The following NFATC3 variants were observed in gnomAD, a reference collection of about 807,000 sequenced individuals.
The protein encoded by NFATC3 is nuclear factor of activated T-cells, cytoplasmic 3.
Under a neutral mutation model 98.6 loss-of-function variants are expected in NFATC3, and 46 were observed. That is an observed-to-expected ratio of 0.47 (90% CI 0.37 to 0.60). The LOEUF (loss-of-function observed/expected upper bound fraction) is 0.60. Ranked by LOEUF, NFATC3 falls within the 20% of genes least tolerant of loss-of-function variation. NFATC3 has a pLI of 0.00. For missense variants in NFATC3, 1,256 were observed against 1,295.5 expected, an observed-to-expected ratio of 0.97 and a Z score of 0.47; for synonymous variants, 512 against 472.2, an observed-to-expected ratio of 1.08 and a Z score of -1.09.
chr16:68,121,774 T>G (rs1448496766), intron 1 of NFATC3, among the ~76,000 whole-genome samples: 1 of 152,154 alleles, frequency 6.6e-6, no homozygotes, highest in Admixed American at 6.6e-5. Context: ...TAATTGTATA[T>G]GTAATAATCA....
chr16:68,195,635 C>T (rs746565604), intron 9 of NFATC3, among the ~76,000 whole-genome samples: 7 of 151,848 alleles, frequency 4.6e-5, no homozygotes, highest in African/African-American at 1.2e-4. Context: ...GGTGAAACCC[C>T]GTCTCTACTA....
chr16:68,192,229 AAAT>A (rs1210857718), intron 9 of NFATC3: 9 of 61,364 alleles, frequency 1.5e-4, no homozygotes, highest in African/African-American at 2.5e-4. Context: ...AAAAAAAAAA[AAAT>A]ATATATATAT....
At chr16:68,118,869 ATTG>A (rs767708372) in intron 1 of NFATC3, among the ~76,000 whole-genome samples, 54 of 152,068 alleles carry the variant, frequency 3.6e-4, no homozygotes, top group Non-Finnish European at 6.9e-4. Flanking sequence ...GAAATACTGT[ATTG>A]TTGTTGTTGT....
chr16:68,139,240 G>A (rs2037618249), intron 3 of NFATC3, among the ~76,000 whole-genome samples: 2 of 152,166 alleles, frequency 1.3e-5, no homozygotes, highest in African/African-American at 4.8e-5. Context: ...TATAAAATGA[G>A]AATAATATAT....
chr16:68,127,615 G>A (rs1374359675), intron 3 of NFATC3, among the ~76,000 whole-genome samples: 6 of 151,458 alleles, frequency 4.0e-5, no homozygotes, highest in African/African-American at 1.5e-4. Flanking sequence ...TTGAACCTGG[G>A]AGGTTGAGGC....
intron 1 of NFATC3, among the ~76,000 whole-genome samples, chr16:68,120,895 CT>C (rs2036539249): frequency 6.6e-6 from 1 of 152,200 alleles, no homozygotes; most frequent in Non-Finnish European, 1.5e-5. Context: ...ATATCCTATA[CT>C]TTTTAGCTCT....
At chr16:68,149,634 T>C (rs2151558028) in intron 3 of NFATC3, among the ~76,000 whole-genome samples, 1 of 152,326 alleles carries the variant, frequency 6.6e-6, no homozygotes, top group Non-Finnish European at 1.5e-5. Context: ...CTTAGAAATA[T>C]GGAAGTAAGT....
At chr16:68,133,264 AAAAAT>A (rs1332220940) in intron 3 of NFATC3, among the ~76,000 whole-genome samples, 1 of 152,154 alleles carries the variant, frequency 6.6e-6, no homozygotes, top group Admixed American at 6.5e-5. Flanking sequence ...GACTCTGTCT[AAAAAT>A]AAAATTATGT....
chr16:68,104,830 A>AT (rs1192311792), intron 1 of NFATC3, among the ~76,000 whole-genome samples: 2 of 151,006 alleles, frequency 1.3e-5, no homozygotes, highest in Non-Finnish European at 3.0e-5. Flanking sequence ...AATTTTTTGT[A>AT]TTTTTAGTAG....
Position 68,123,077 on chromosome 16 carries a change from C to T in NFATC3, c.1194C>T (p.Pro398=), listed in dbSNP as rs1341699030. ...ATCAGTTTCTTTCAGTTCCTTCACC[C>T]TTTACCTGGAGCAAACCAAAGCCTG... ...CGDQFLSVPS[P]FTWSKPKPGH... The change falls in exon 2 of 10, where the codon CCC becomes CCT. Residue 398 remains proline (P), a synonymous_variant. Transcript: ENST00000346183. 3.7e-6 allele frequency: 6 copies of T among 1,607,882 alleles called. No individual in the cohort carries two copies. In the African/African-American group the frequency reaches 4.0e-5, roughly 11 times the overall value.
intron 2 of NFATC3, 31 bp from the exon 3 acceptor site, chr16:68,126,417 T>G: frequency 6.3e-7 from 1 of 1,586,404 alleles, no homozygotes; most frequent in Non-Finnish European, 8.6e-7. Context: ...AATAGCATGG[T>G]GACATGCATC....
chr16:68,192,528 A>G (rs1179453515), intron 9 of NFATC3, among the ~76,000 whole-genome samples: 2 of 151,940 alleles, frequency 1.3e-5, no homozygotes, highest in Non-Finnish European at 2.9e-5. Context: ...CTTTTGCAAG[A>G]TGAAGCTAGA....
chr16:68,214,391 A>G lies in NFATC3; in HGVS notation c.3107-11959A>G, dbSNP rs143871480. On this transcript the variant is annotated intron_variant, in intron 9 of 9. Transcript: ENST00000346183. ...TTCAGCAGAGAAATGGCCTAACCAC[A>G]GTGTGCTCTCATGTCCAGCTCCTTT... 393 of 1,614,196 alleles carry G rather than the reference A, an allele frequency of 2.4e-4. 1 individual carries two copies. The African/African-American group carries it at 4.6e-3, about 19-fold the overall frequency.
At chr16:68,134,653 A>G (rs1442558274) in intron 3 of NFATC3, among the ~76,000 whole-genome samples, 1 of 152,220 alleles carries the variant, frequency 6.6e-6, no homozygotes, top group Non-Finnish European at 1.5e-5. Flanking sequence ...ACTCAGGGCA[A>G]AAAAGGATTC....
At chr16:68,195,809 A>AAAAAT (rs751246372) in intron 9 of NFATC3, among the ~76,000 whole-genome samples, 1 of 152,188 alleles carries the variant, frequency 6.6e-6, no homozygotes, top group Non-Finnish European at 1.5e-5. Flanking sequence ...CTCCGTCTCA[A>AAAAAT]AAAATAAAAT....
At chr16:68,154,685 T>A (rs2038516935) in intron 3 of NFATC3, among the ~76,000 whole-genome samples, 1 of 152,160 alleles carries the variant, frequency 6.6e-6, no homozygotes, top group Non-Finnish European at 1.5e-5. Flanking sequence ...GGAATGATAT[T>A]TCAGAGGGAT....
chr16:68,102,578 C>A (rs1369538608), intron 1 of NFATC3, among the ~76,000 whole-genome samples: 1 of 152,020 alleles, frequency 6.6e-6, no homozygotes, highest in Non-Finnish European at 1.5e-5. Context: ...TGTTACCCTC[C>A]TCTGAGTCTT....
chr16:68,151,462 A>G (rs1225631394), intron 3 of NFATC3, among the ~76,000 whole-genome samples: 1 of 152,176 alleles, frequency 6.6e-6, no homozygotes, highest in Non-Finnish European at 1.5e-5. Context: ...TGAAAAATTC[A>G]TGTATCTTAA....
chr16:68,091,336 T>A (rs2034696739), intron 1 of NFATC3, among the ~76,000 whole-genome samples: 2 of 152,226 alleles, frequency 1.3e-5, no homozygotes, highest in African/African-American at 4.8e-5. Flanking sequence ...ATGACTTGCC[T>A]TTCTTTGGCA....
Sources: allele counts gnomAD v4.1 joint callset (sites outside exome capture counted in the v4.1 genomes callset), GRCh38; gene constraint gnomAD v4.1.1; transcripts MANE v1.5; gene names NCBI Gene and HGNC (gene_info 2026-07-23, HGNC 2026-07-21).